BRINP3: variants seen among roughly 807,000 people sequenced by gnomAD.
BRINP3 encodes the protein BMP/retinoic acid-inducible neural-specific protein 3.
A neutral mutation model predicts 71.0 loss-of-function variants in BRINP3; 19 were observed. That is an observed-to-expected ratio of 0.27 (90% CI 0.19 to 0.39). BRINP3 has a LOEUF of 0.39. BRINP3 is among the 10% of genes least tolerant of loss of function. The probability of loss-of-function intolerance (pLI) is 1.00; values close to 1 mark genes in which losing one functional copy is unlikely to be tolerated. For missense variants in BRINP3, 959 were observed against 940.8 expected, an observed-to-expected ratio of 1.02 and a Z score of -0.25; for synonymous variants, 380 against 337.7, an observed-to-expected ratio of 1.13 and a Z score of -1.37.
At chr1:190,220,014 G>A (rs1656736943) in intron 6 of BRINP3, among the ~76,000 whole-genome samples, 1 of 151,938 alleles carries the variant, frequency 6.6e-6, no homozygotes, top group South Asian at 2.1e-4. Context: ...AAAGTGAGCT[G>A]AGCAAGATCA....
At chr1:190,439,276 G>GA (rs1481507497) in intron 2 of BRINP3, among the ~76,000 whole-genome samples, 2 of 151,758 alleles carry the variant, frequency 1.3e-5, no homozygotes, top group East Asian at 3.9e-4. Flanking sequence ...AGAATAAAGG[G>GA]AAAATGAAGA....
At chr1:190,155,233 C>T (rs1219659986) in intron 7 of BRINP3, among the ~76,000 whole-genome samples, 5 of 151,868 alleles carry the variant, frequency 3.3e-5, no homozygotes, top group Admixed American at 6.6e-5. Flanking sequence ...TAAAATATTC[C>T]ATTACATCTC....
intron 6 of BRINP3, among the ~76,000 whole-genome samples, chr1:190,171,238 A>G (rs1042609168): frequency 6.6e-6 from 1 of 152,154 alleles, no homozygotes; most frequent in African/African-American, 2.4e-5. Context: ...ATGCACAAGC[A>G]TATTGCTGTT....
chr1:190,271,343 T>C (rs1662095165), intron 3 of BRINP3, among the ~76,000 whole-genome samples: 1 of 151,670 alleles, frequency 6.6e-6, no homozygotes, highest in African/African-American at 2.4e-5. Flanking sequence ...ATCTTAGGAC[T>C]CAGTTTCCTT....
At chr1:190,220,647 A>G (rs1306358911) in intron 6 of BRINP3, among the ~76,000 whole-genome samples, 4 of 152,166 alleles carry the variant, frequency 2.6e-5, no homozygotes, top group Admixed American at 6.6e-5. Flanking sequence ...GATAAAAAAA[A>G]TTGCAACTCA....
chr1:190,201,148 T>C (rs1654969855), intron 6 of BRINP3, among the ~76,000 whole-genome samples: 2 of 152,152 alleles, frequency 1.3e-5, no homozygotes, highest in East Asian at 3.9e-4. Context: ...ACAAAAATGC[T>C]GATAGTGATA....
chr1:190,346,752 C>A (rs1224855855), intron 2 of BRINP3, among the ~76,000 whole-genome samples: 1 of 152,142 alleles, frequency 6.6e-6, no homozygotes, highest in Non-Finnish European at 1.5e-5. Context: ...ACAGCGATCT[C>A]TGAAATGCCC....
chr1:190,377,876 A>C lies in BRINP3; in HGVS notation c.236+76779T>G, dbSNP rs539574247. Among the ~76,000 whole-genome samples the C allele has an allele frequency of 2.1e-4, 32 of 152,236 alleles. No individual in the cohort carries two copies. The East Asian group carries it at 5.4e-3, about 26-fold the overall frequency. On this transcript the variant is annotated intron_variant, in intron 2 of 7. Transcript: ENST00000367462. ...TTGCCGAAAGAAATTAAATTTTTTA[A>C]ATTTCTAAATAATTGAAAAGACATT...
intron 4 of BRINP3, among the ~76,000 whole-genome samples, chr1:190,239,179 G>A (rs1246299777): frequency 8.6e-5 from 13 of 152,044 alleles, no homozygotes; most frequent in Admixed American, 8.5e-4. Context: ...TCATCATGTG[G>A]GGATTACATT....
intron 2 of BRINP3, among the ~76,000 whole-genome samples, chr1:190,379,445 A>T (rs896161984): frequency 1.1e-4 from 16 of 152,308 alleles, no homozygotes; most frequent in Middle Eastern, 3.4e-3. Context: ...AAGAAAAAAA[A>T]TAACTTAAAA....
intron 6 of BRINP3, among the ~76,000 whole-genome samples, chr1:190,215,285 C>A (rs139824885): frequency 1.3e-4 from 19 of 151,860 alleles, no homozygotes; most frequent in African/African-American, 4.3e-4. Flanking sequence ...CAATCCCATA[C>A]TTTGTGCATT....
intron 2 of BRINP3, among the ~76,000 whole-genome samples, chr1:190,409,630 A>T (rs1672531852): frequency 6.6e-6 from 1 of 152,200 alleles, no homozygotes; most frequent in African/African-American, 2.4e-5. Context: ...TTAAAAAATG[A>T]TGTGAATATC....
intron 6 of BRINP3, among the ~76,000 whole-genome samples, chr1:190,178,333 A>G (rs1293575279): frequency 6.6e-6 from 1 of 151,986 alleles, no homozygotes; most frequent in Admixed American, 6.6e-5. Flanking sequence ...CCCTTTCAAT[A>G]TATGTTGATT....
chr1:190,204,429 C>G, intron 6 of BRINP3, among the ~76,000 whole-genome samples: 1 of 137,364 alleles, frequency 7.3e-6, no homozygotes, highest in East Asian at 2.2e-4. Flanking sequence ...TTGACTCATT[C>G]AAATATATTA....
At chr1:190,215,998 A>G (rs749286016) in intron 6 of BRINP3, among the ~76,000 whole-genome samples, 5 of 150,574 alleles carry the variant, frequency 3.3e-5, no homozygotes, top group Non-Finnish European at 7.4e-5. Context: ...ATTATAAGTA[A>G]TGAAGTTTTT....
intron 1 of BRINP3, among the ~76,000 whole-genome samples, chr1:190,463,081 T>A (rs1183040675): frequency 1.3e-5 from 2 of 151,896 alleles, no homozygotes; most frequent in African/African-American, 4.8e-5. Flanking sequence ...GGTTGAAAAG[T>A]ATAATCATGG....
At chr1:190,257,293 G>A (rs1035791867) in intron 4 of BRINP3, among the ~76,000 whole-genome samples, 4 of 152,072 alleles carry the variant, frequency 2.6e-5, no homozygotes, top group African/African-American at 9.7e-5. Context: ...AGTGAAGCTT[G>A]TGCATGTGTC....
At chr1:190,110,329 T>C (rs1652555972) in intron 7 of BRINP3, among the ~76,000 whole-genome samples, 1 of 152,048 alleles carries the variant, frequency 6.6e-6, no homozygotes, top group African/African-American at 2.4e-5. Flanking sequence ...GCACATAAAA[T>C]ATTGTGAAAA....
At chr1:190,298,264 T>C (rs1664405014) in intron 2 of BRINP3, among the ~76,000 whole-genome samples, 1 of 152,160 alleles carries the variant, frequency 6.6e-6, no homozygotes, top group African/African-American at 2.4e-5. Context: ...ATTTTATTTT[T>C]ATTGTTATTA....
Sources: gnomAD v4.1 joint callset for allele counts (sites outside exome capture counted in the v4.1 genomes callset) on GRCh38, gnomAD v4.1.1 for gene constraint, MANE v1.5 for transcripts, NCBI Gene and HGNC (gene_info 2026-07-23, HGNC 2026-07-21) for gene names.